The following PLG variants were observed in gnomAD, a reference collection of about 807,000 sequenced individuals.
PLG encodes the protein plasminogen.
A neutral mutation model predicts 104.4 loss-of-function variants in PLG; 41 were observed. That is an observed-to-expected ratio of 0.39 (90% CI 0.31 to 0.51). The LOEUF (loss-of-function observed/expected upper bound fraction) is 0.51, where lower values mean the gene tolerates loss of function less well. PLG is among the 20% of genes least tolerant of loss of function. The pLI is 0.76. For synonymous variants in PLG, 337 were observed against 357.1 expected, an observed-to-expected ratio of 0.94 and a Z score of 0.63; for missense variants, 891 against 1,003.6, an observed-to-expected ratio of 0.89 and a Z score of 1.52.
At chr6:160,748,533 G>T (rs1778337793) in intron 17 of PLG, among the ~76,000 whole-genome samples, 1 of 151,908 alleles carries the variant, frequency 6.6e-6, no homozygotes, top group African/African-American at 2.4e-5. Context: ...AATGTGGGCT[G>T]CAGGGCTATT....
rs932326970 is a variant in PLG at position 160,730,821 on chromosome 6, A to T, written c.1257-230A>T. On this transcript the variant is annotated intron_variant, in intron 10 of 18. Transcript: ENST00000308192. ...ATGTATGATCTGAGTTTTTATATGGAGCATATACTACTTTTGATTTTTTAA... is the reference window on the plus strand; with the variant it reads ...ATGTATGATCTGAGTTTTTATATGGTGCATATACTACTTTTGATTTTTTAA... The T allele has an allele frequency of 1.1e-5, 5 of 462,086 alleles. No individual in the cohort carries two copies. In the Admixed American group the frequency reaches 1.7e-4, roughly 16 times the overall value. 28.6% of individuals were successfully genotyped at this position (462,086 alleles called of 1,614,324 possible).
chr6:160,736,862 A>T lies in PLG; in HGVS notation c.1682-25A>T. On this transcript the variant is annotated intron_variant, in intron 13 of 18. Coordinates refer to ENST00000308192, the MANE Select transcript of PLG (RefSeq NM_000301.5). The surrounding 1 kb of genome is among the most constrained non-coding windows in gnomAD (Gnocchi z 5.2). ...AAATTGCTACCTTGTCTCAAATGGGATTTCTTTCCCACCTTGTGCCACAGC... is the reference window on the plus strand; with the variant it reads ...AAATTGCTACCTTGTCTCAAATGGGTTTTCTTTCCCACCTTGTGCCACAGC... The T allele has an allele frequency of 6.2e-7, 1 of 1,613,162 alleles. No homozygotes were observed. Among genetic ancestry groups the T allele is most frequent in the African/African-American group, 1.3e-5 (1 of 75,010 alleles).
rs1272965832 is a variant in PLG at position 160,711,932 on chromosome 6, AC to A, written c.407+742del. 15 of 1,307,368 alleles carry A rather than the reference AC, an allele frequency of 1.1e-5. No homozygotes were observed. In the Admixed American group the frequency reaches 2.9e-4, roughly 25 times the overall value. The allele number at this position is 1,307,368 out of a possible 1,614,324, so 81.0% of individuals were successfully genotyped here. A position where few individuals can be genotyped will look rare whatever the true frequency, so the allele number is the denominator to read the frequency against. ...TATTTATTTTAGTGCATTTTTTTGT[AC>A]TTTTCCCAGTTTGGTGTTAGGTGGC... On this transcript the variant is annotated intron_variant, in intron 4 of 18. Transcript: ENST00000308192.
At chr6:160,747,775 G>A (rs1209403332) in intron 17 of PLG, among the ~76,000 whole-genome samples, 1 of 152,196 alleles carries the variant, frequency 6.6e-6, no homozygotes. Flanking sequence ...GGGTCTGGGA[G>A]CATTGAGGCC....
In PLG at chr6:160,731,956, T is replaced by C. The variant is rs1324214190; in HGVS notation, c.1587+63T>C. ...CACCAATCTTTGCAAACAGAATTGGTTCTGTGTTACAGAAAATCTGACCTG... is the reference window on the plus strand; with the variant it reads ...CACCAATCTTTGCAAACAGAATTGGCTCTGTGTTACAGAAAATCTGACCTG... On this transcript the variant is annotated intron_variant, in intron 12 of 18. Coordinates refer to ENST00000308192, the MANE Select transcript of PLG (RefSeq NM_000301.5). This position sits in a 1 kb window ranked among gnomAD's most constrained non-coding sequence, Gnocchi z 5.1. 1.2e-5 allele frequency: 19 copies of C among 1,555,254 alleles called. No homozygotes were observed. The highest frequency in any genetic ancestry group is 1.6e-5 in the Non-Finnish European group (18 of 1,127,998).
At chr6:160,748,388 G>GA (rs71033590) in intron 17 of PLG, among the ~76,000 whole-genome samples, 1 of 47,298 alleles carries the variant, frequency 2.1e-5, no homozygotes, top group Admixed American at 3.2e-4. Flanking sequence ...AAGAAAGAAA[G>GA]AAAGAAAGAA....
chr6:160,722,384 T>A, intron 9 of PLG, 24 bp from the exon 10 acceptor site: 1 of 1,590,688 alleles, frequency 6.3e-7, no homozygotes, highest in Non-Finnish European at 8.6e-7. Flanking sequence ...TTGTTAAGCT[T>A]GATTTCTTTT....
At position 160,716,775 on chromosome 6, in the gene PLG, G is replaced by A. The variant is rs1424400636; in HGVS notation, c.787+12G>A. 59 of 1,451,052 alleles carry A rather than the reference G, an allele frequency of 4.1e-5. No individual in the cohort carries two copies. The Admixed American group carries it at 9.9e-4, about 24-fold the overall frequency. The allele number at this position is 1,451,052 out of a possible 1,614,324, so 89.9% of individuals were successfully genotyped here. On this transcript the variant is annotated intron_variant, in intron 7 of 18. Coordinates refer to ENST00000308192, the MANE Select transcript of PLG (RefSeq NM_000301.5). ...CATCCCCCGCTGCAGTGAGTATGAT[G>A]CACACCCAGATTCCAGGATTTGGAC... is the stretch of plus-strand genomic sequence containing the variant.
chr6:160,747,331 C>A (rs1778293100), intron 17 of PLG, among the ~76,000 whole-genome samples: 1 of 152,196 alleles, frequency 6.6e-6, no homozygotes, highest in Non-Finnish European at 1.5e-5. Context: ...ATTCTTTCTT[C>A]TCTTTGCAGT....
At chr6:160,718,671 C>T (rs1485949365) in intron 8 of PLG, 22 bp from the exon 9 acceptor site, 1 of 1,613,486 alleles carries the variant, frequency 6.2e-7, no homozygotes, top group Admixed American at 1.7e-5. Context: ...GAAAGCTAAA[C>T]TCACAATCAC....
chr6:160,741,125 CAT>C lies in PLG; in HGVS notation c.2019-184_2019-183del, dbSNP rs1322997165. Among the ~76,000 whole-genome samples, 1 of 152,216 alleles carries C rather than the reference CAT, an allele frequency of 6.6e-6. No individual in the cohort carries two copies. The highest frequency in any genetic ancestry group is 1.5e-5 in the Non-Finnish European group (1 of 68,046). ...CCTTTCAAATGAAACCTTACATCTG[CAT>C]AGTCCATAGACAACCACAGGCAAAT... is the stretch of plus-strand genomic sequence containing the variant. On this transcript the variant is annotated intron_variant, in intron 16 of 18. Transcript: ENST00000308192. The surrounding 1 kb of genome is among the most constrained non-coding windows in gnomAD (Gnocchi z 4.7).
chr6:160,716,841 C>A, intron 7 of PLG, 78 bp downstream of exon 7: 1 of 872,338 alleles, frequency 1.1e-6, no homozygotes, highest in South Asian at 1.3e-5. Flanking sequence ...TGTGTCAGTG[C>A]CTGAGTGCAG....
intron 1 of PLG, among the ~76,000 whole-genome samples, chr6:160,702,850 C>G (rs1777444920): frequency 1.3e-5 from 2 of 152,196 alleles, no homozygotes; most frequent in Admixed American, 1.3e-4. Context: ...GGAAGGCTTT[C>G]CATCAGTATA....
At chr6:160,715,383 G>A (rs115440345) in intron 6 of PLG, among the ~76,000 whole-genome samples, 382 of 152,198 alleles carry the variant, frequency 2.5e-3, no homozygotes, top group African/African-American at 8.6e-3. Context: ...ATGAGCAGAC[G>A]TCATGGATTT....
In PLG at chr6:160,720,292, C is replaced by T. The variant is rs146787985; in HGVS notation, c.1096+1454C>T. On this transcript the variant is annotated intron_variant, in intron 9 of 18. Transcript: ENST00000308192. ...AGATTTTCTCATCTTTGTTTTTCAACAGTTCGACTATGATGTGTTTATTAT... is the reference window on the plus strand; with the variant it reads ...AGATTTTCTCATCTTTGTTTTTCAATAGTTCGACTATGATGTGTTTATTAT... Among the ~76,000 whole-genome samples the T allele has an allele frequency of 2.9e-3, 442 of 151,760 alleles. 2 individuals are homozygous for T. The highest frequency in any genetic ancestry group is 0.01 in the African/African-American group (416 of 41,416).
chr6:160,741,168 T>C lies in PLG; in HGVS notation c.2019-143T>C. On this transcript the variant is annotated intron_variant, in intron 16 of 18. Transcript: ENST00000308192. The surrounding 1 kb of genome is among the most constrained non-coding windows in gnomAD (Gnocchi z 4.7). ...ACAGGCAAATGTGAGGGTGAAACTC[T>C]GTGTTCTACGTTGCTCTGTGTCAGT... is the stretch of plus-strand genomic sequence containing the variant. 1 of 689,860 alleles carries C rather than the reference T, an allele frequency of 1.4e-6. No individual in the cohort carries two copies. The highest frequency in any genetic ancestry group is 2.8e-5 in the East Asian group (1 of 35,964). The allele number at this position is 689,860 out of a possible 1,614,324, so 42.7% of individuals were successfully genotyped here. A position where few individuals can be genotyped will look rare whatever the true frequency, so the allele number is the denominator to read the frequency against.
At position 160,753,576 on chromosome 6, in the gene PLG, A is replaced by G. The variant is rs1281045591; in HGVS notation, c.*515A>G. On this transcript the variant is annotated 3_prime_UTR_variant, in exon 19 of 19. Transcript: ENST00000308192. This position sits in a 1 kb window ranked among gnomAD's most constrained non-coding sequence, Gnocchi z 5.4. ...GGGAGTCATGCAAACCGATTCTGTT[A>G]TTGGGAATGAAATCTGTCACCGACT... Among the ~76,000 whole-genome samples, 2 of 152,154 alleles carry G rather than the reference A, an allele frequency of 1.3e-5. No individual in the cohort carries two copies. The highest frequency in any genetic ancestry group is 6.5e-5 in the Admixed American group (1 of 15,278).
intron 1 of PLG, among the ~76,000 whole-genome samples, chr6:160,704,160 T>C (rs1777475827): frequency 2.6e-5 from 4 of 152,250 alleles, no homozygotes; most frequent in Admixed American, 2.6e-4. Flanking sequence ...TTGTTTGATG[T>C]TTCCTTGCCA....
At chr6:160,746,984 A>C (rs971319742) in intron 17 of PLG, among the ~76,000 whole-genome samples, 2 of 152,240 alleles carry the variant, frequency 1.3e-5, no homozygotes, top group African/African-American at 4.8e-5. Flanking sequence ...AGCATTCCTG[A>C]GTATGCTTCC....
Sources: allele counts gnomAD v4.1 joint callset (sites outside exome capture counted in the v4.1 genomes callset), GRCh38; gene constraint gnomAD v4.1.1; non-coding constraint Gnocchi (gnomAD v3.1); transcripts MANE v1.5; gene names NCBI Gene and HGNC (gene_info 2026-07-23, HGNC 2026-07-21).